Variants in AATK observed in about 807,000 individuals in gnomAD.
AATK encodes the protein lemur tail kinase 1.
Under a neutral mutation model 114.3 loss-of-function variants are expected in AATK, and 91 were observed. The observed-to-expected ratio is 0.80, with a 90% CI of 0.67 to 0.95. The LOEUF is 0.95. AATK is among the 40% of genes least tolerant of loss of function. AATK has a pLI of 0.00. For missense variants in AATK, 2,176 were observed against 1,965.2 expected (o/e 1.11, Z -2.03); for synonymous variants, 1,075 against 916.5 (o/e 1.17, Z -3.12).
intron 1 of AATK, among the ~76,000 whole-genome samples, chr17:81,138,652 CCCACACACATAT>C (rs2061068989): frequency 1.0e-5 from 1 of 100,298 alleles, no homozygotes; most frequent in Admixed American, 1.3e-4. Context: ...TCCACACATA[CCCACACACATAT>C]CCATACATGC....
At chr17:81,143,239 C>A (rs564776304) in intron 1 of AATK, among the ~76,000 whole-genome samples, 1 of 152,110 alleles carries the variant, frequency 6.6e-6, no homozygotes, top group Admixed American at 6.5e-5. Context: ...AGGCGGAAGC[C>A]GCCTGCAGCA....
intron 2 of AATK, chr17:81,132,947 G>C (rs998532541): frequency 3.8e-6 from 1 of 266,388 alleles, no homozygotes; most frequent in Admixed American, 5.0e-5. Flanking sequence ...CCCCAAGGAG[G>C]GGCCACTTAT....
chr17:81,118,396 C>T lies in AATK; in HGVS notation c.*6G>A. 3.7e-6 allele frequency: 6 copies of T among 1,605,356 alleles called. No individual in the cohort carries two copies. Among genetic ancestry groups the T allele is most frequent in the Non-Finnish European group, 5.1e-6 (6 of 1,176,950 alleles). On this transcript the variant is annotated 3_prime_UTR_variant, in exon 14 of 14. Coordinates refer to ENST00000326724, the MANE Select transcript of AATK (RefSeq NM_001080395.3). Reference sequence around the variant, plus strand: ...CCAGCCTTGAGGGGCAGGAGCTGCCCAGGTCTCAAGCCTCTTTACTCTCAC... The same window carrying T: ...CCAGCCTTGAGGGGCAGGAGCTGCCTAGGTCTCAAGCCTCTTTACTCTCAC...
At chr17:81,161,897 C>T (rs1375208005) in intron 1 of AATK, among the ~76,000 whole-genome samples, 2 of 152,172 alleles carry the variant, frequency 1.3e-5, no homozygotes, top group Non-Finnish European at 2.9e-5. Context: ...CAGCTGCCAG[C>T]CCACCCCAGC....
intron 1 of AATK, among the ~76,000 whole-genome samples, chr17:81,147,148 G>T (rs1490234329): frequency 6.6e-6 from 1 of 151,630 alleles, no homozygotes. Flanking sequence ...AGATCACGAA[G>T]TCGGGAGATC....
Position 81,122,250 on chromosome 17 carries a change from G to A in AATK, c.1686C>T (p.Asp562=), listed in dbSNP as rs1344001838. 10 of 1,492,166 alleles carry A rather than the reference G, an allele frequency of 6.7e-6. No individual in the cohort carries two copies. Among genetic ancestry groups the A allele is most frequent in the South Asian group, 1.3e-5 (1 of 79,018 alleles). The allele number at this position is 1,492,166 out of a possible 1,614,324, so 92.4% of individuals were successfully genotyped here. Residue 562 remains aspartate, a synonymous_variant, in exon 11 of 14, where the codon GAC becomes GAT. Coordinates refer to ENST00000326724, the MANE Select transcript of AATK (RefSeq NM_001080395.3). ...PSPPATADQD[D]DSDGSTAASL... ...AGGCGGCGGTGCTGCCGTCAGAGTCGTCGTCCTGGTCCGCGGTGGCAGGTG... is the reference window on the plus strand; with the variant it reads ...AGGCGGCGGTGCTGCCGTCAGAGTCATCGTCCTGGTCCGCGGTGGCAGGTG...
At position 81,122,434 on chromosome 17, in the gene AATK, C is replaced by T. The variant is rs1368418565; in HGVS notation, c.1502G>A (p.Arg501His). 4.8e-6 allele frequency: 7 copies of T among 1,453,848 alleles called. No homozygotes were observed. The African/African-American group carries it at 6.0e-5, about 12-fold the overall frequency. 90.1% of individuals were successfully genotyped at this position (1,453,848 alleles called of 1,614,324 possible). A position where few individuals can be genotyped will look rare whatever the true frequency, so the allele number is the denominator to read the frequency against. ...PATLSPGRTA[R>H]LQELCAPDGA... The stretch of plus-strand genomic sequence containing the variant: ...GTCGGGGGCGCACAGCTCCTGCAGG[C>T]GTGCGGTGCGGCCAGGGCTCAGCGT... Residue 501 changes from arginine (R) to histidine (H), a missense_variant, in exon 11 of 14, where the codon CGC becomes CAC. Physicochemically the swap from Arg to His is conservative, Grantham distance 29 (BLOSUM62 0). This residue lies in a region of AATK where 1,701 missense variants were observed against 1,394.7 expected (regional missense o/e 1.22). Coordinates refer to ENST00000326724, the MANE Select transcript of AATK (RefSeq NM_001080395.3).
chr17:81,129,840 G>C (rs1024354501), intron 3 of AATK, among the ~76,000 whole-genome samples: 3 of 152,210 alleles, frequency 2.0e-5, no homozygotes, highest in African/African-American at 7.2e-5. Context: ...CTCACGCTCT[G>C]AGTGGGTGGC....
intron 2 of AATK, chr17:81,131,786 C>G: frequency 8.1e-7 from 1 of 1,230,540 alleles, no homozygotes; most frequent in Non-Finnish European, 1.1e-6. Context: ...TCACCCCCTG[C>G]CCCACAGTCC....
intron 1 of AATK, among the ~76,000 whole-genome samples, chr17:81,151,307 T>TCTCCCCCCTCCCCTCCC (rs1567825404): frequency 1.0e-5 from 1 of 96,212 alleles, no homozygotes; most frequent in African/African-American, 3.8e-5. Context: ...CGACCCCTCC[T>TCTCCCCCCTCCCCTCCC]GTCTCCCCCC....
chr17:81,158,442 C>T (rs1042275304), intron 1 of AATK, among the ~76,000 whole-genome samples: 1 of 152,216 alleles, frequency 6.6e-6, no homozygotes, highest in African/African-American at 2.4e-5. Flanking sequence ...GGGCGTGTGC[C>T]GGCTCCTGCC....
chr17:81,148,561 G>A (rs2061252945), intron 1 of AATK, among the ~76,000 whole-genome samples: 2 of 152,228 alleles, frequency 1.3e-5, no homozygotes, highest in East Asian at 1.9e-4. Context: ...ACATGGCTCC[G>A]GGATGAGGTA....
chr17:81,158,264 G>C (rs932687609), intron 1 of AATK, among the ~76,000 whole-genome samples: 1 of 152,220 alleles, frequency 6.6e-6, no homozygotes, highest in Non-Finnish European at 1.5e-5. Context: ...GCCAGGGTCC[G>C]AGCAGGGTCC....
chr17:81,160,369 G>T, intron 1 of AATK: 1 of 533,898 alleles, frequency 1.9e-6, no homozygotes, highest in Non-Finnish European at 2.4e-6. Context: ...TCCCTGCGGA[G>T]GGAGGCTGGA....
chr17:81,165,387 T>G, intron 1 of AATK: 2 of 270,610 alleles, frequency 7.4e-6, no homozygotes, highest in Non-Finnish European at 1.5e-5. Flanking sequence ...TGTCAGGGGA[T>G]CTGGGCACCC....
At chr17:81,165,908 G>C (rs376056569) in intron 1 of AATK, 30 bp downstream of exon 1, 5 of 1,565,062 alleles carry the variant, frequency 3.2e-6, no homozygotes, top group Non-Finnish European at 3.5e-6. Context: ...GGGAGGCAGC[G>C]GCGCGCAGGC....
chr17:81,120,974 C>A lies in AATK; in HGVS notation c.2962G>T (p.Glu988Ter). 1 of 1,610,070 alleles carries A rather than the reference C, an allele frequency of 6.2e-7. No individual in the cohort carries two copies. Among genetic ancestry groups the A allele is most frequent in the East Asian group, 2.2e-5 (1 of 44,786 alleles). Reference sequence around the variant, plus strand: ...GCAGAGTCTCGGTAGGGATTCTTCTCGTTGAGGCCACTGAGGGAGGTGGAG... The same window carrying A: ...GCAGAGTCTCGGTAGGGATTCTTCTAGTTGAGGCCACTGAGGGAGGTGGAG... ...RLSTSLSGLN[E>*]KNPYRDSAYF... is the part of the protein sequence containing the mutation. The change falls in exon 11 of 14, where the codon GAG becomes TAG. Residue 988 changes from glutamate (E) to a stop codon, truncating the protein, a stop_gained. Coordinates refer to ENST00000326724, the MANE Select transcript of AATK (RefSeq NM_001080395.3). LOFTEE classifies it high-confidence loss of function.
At position 81,152,660 on chromosome 17, in the gene AATK, C is replaced by G. The variant is rs1598211021; in HGVS notation, c.55+13278G>C. ...TCAACCAGGTCAGCAACCTCAGAAA[C>G]AGACGCTTGCTGACACCAATACTCC... is the stretch of plus-strand genomic sequence containing the variant. On this transcript the variant is annotated intron_variant, in intron 1 of 13. Coordinates refer to ENST00000326724, the MANE Select transcript of AATK (RefSeq NM_001080395.3). Among the ~76,000 whole-genome samples the G allele has an allele frequency of 2.6e-5, 4 of 152,178 alleles. No individual in the cohort carries two copies. The South Asian group carries it at 8.3e-4, about 31-fold the overall frequency.
chr17:81,133,172 C>G (rs2060960862), intron 2 of AATK: 1 of 472,850 alleles, frequency 2.1e-6, no homozygotes, highest in Admixed American at 2.3e-5. Context: ...CCCCCAGGCA[C>G]GCAGCTCCTC....
Sources: gnomAD v4.1 joint callset for allele counts (sites outside exome capture counted in the v4.1 genomes callset) on GRCh38, gnomAD v4.1.1 for gene constraint, gnomAD v4.1.1 regional missense constraint, MANE v1.5 for transcripts, NCBI Gene and HGNC (gene_info 2026-07-23, HGNC 2026-07-21) for gene names.